The following SMIM36 variants were observed in gnomAD, a reference collection of about 807,000 sequenced individuals.
SMIM36 encodes small integral membrane protein 36.
the SMIM36 span, among the ~76,000 whole-genome samples, chr17:55,526,285 A>G: frequency 6.6e-6 from 1 of 152,064 alleles, no homozygotes; most frequent in Non-Finnish European, 1.5e-5. Flanking sequence ...CTGGGATTAC[A>G]GGTGTGCGCC....
intron 4 of SMIM36, among the ~76,000 whole-genome samples, chr17:55,466,118 A>G (rs1264835007): frequency 2.0e-5 from 3 of 151,810 alleles, no homozygotes; most frequent in Non-Finnish European, 4.4e-5. Flanking sequence ...TCTCTACTAA[A>G]AATGCAAAAT....
intron 1 of SMIM36, among the ~76,000 whole-genome samples, chr17:55,481,622 C>T (rs1258074321): frequency 6.6e-6 from 1 of 152,134 alleles, no homozygotes; most frequent in African/African-American, 2.4e-5. Context: ...AAATTTATAT[C>T]TAAAATGTTT....
exon 1 of SMIM36, chr17:55,511,285 A>G: frequency 5.0e-6 from 2 of 398,726 alleles, no homozygotes; most frequent in Non-Finnish European, 8.8e-6. Context: ...GCTCGCAACT[A>G]GGATGATCAG....
At chr17:55,472,587 T>C (rs1303502575) in intron 3 of SMIM36, among the ~76,000 whole-genome samples, 1 of 152,178 alleles carries the variant, frequency 6.6e-6, no homozygotes, top group Non-Finnish European at 1.5e-5. Context: ...AAAATGCCTA[T>C]GCTGGCCGGG....
intron 1 of SMIM36, among the ~76,000 whole-genome samples, chr17:55,487,386 G>A (rs1019223153): frequency 2.6e-5 from 4 of 152,190 alleles, no homozygotes; most frequent in African/African-American, 7.2e-5. Flanking sequence ...TCCCTGTGGA[G>A]TTTAGGACAG....
intron 1 of SMIM36, among the ~76,000 whole-genome samples, chr17:55,483,496 G>C (rs1023308864): frequency 5.9e-5 from 9 of 152,116 alleles, no homozygotes; most frequent in African/African-American, 1.9e-4. Context: ...CCATCATGTG[G>C]GTGGGCCTCC....
the SMIM36 span, among the ~76,000 whole-genome samples, chr17:55,525,761 G>A: frequency 1.3e-5 from 2 of 152,022 alleles, no homozygotes; most frequent in Non-Finnish European, 2.9e-5. Flanking sequence ...GGGTTCAAGT[G>A]ATTCTCCAGC....
chr17:55,457,054 G>A (rs980038858), intron 4 of SMIM36, among the ~76,000 whole-genome samples: 2 of 152,126 alleles, frequency 1.3e-5, no homozygotes, highest in Non-Finnish European at 2.9e-5. Flanking sequence ...TCAAACATGA[G>A]GACACAGATT....
upstream of SMIM36, among the ~76,000 whole-genome samples, chr17:55,515,943 AT>A (rs905815317): frequency 3.3e-5 from 5 of 152,188 alleles, no homozygotes; most frequent in Non-Finnish European, 7.3e-5. Context: ...ATCCTCTTCT[AT>A]TTTATTTTGG....
the SMIM36 span, among the ~76,000 whole-genome samples, chr17:55,517,636 T>C: frequency 1.3e-5 from 2 of 152,094 alleles, no homozygotes; most frequent in African/African-American, 4.8e-5. Context: ...GGTCACAGAG[T>C]GAACAACTCG....
intron 3 of SMIM36, among the ~76,000 whole-genome samples, chr17:55,471,119 C>G (rs538840749): frequency 6.6e-6 from 1 of 152,230 alleles, no homozygotes. Context: ...CCCCTTGCAT[C>G]TCTCCTCCCA....
At chr17:55,478,773 G>A (rs1165023621) in exon 3 of SMIM36, 1 of 152,114 alleles carries the variant, frequency 6.6e-6, no homozygotes, top group East Asian at 1.9e-4. Context: ...TTGTTTCTTT[G>A]CAGTGTCTCT....
At chr17:55,519,983 G>C in the SMIM36 span, among the ~76,000 whole-genome samples, 1 of 152,198 alleles carries the variant, frequency 6.6e-6, no homozygotes, top group Non-Finnish European at 1.5e-5. Flanking sequence ...TAGAGGCCAG[G>C]AGTCTGAAAT....
chr17:55,507,808 A>C (rs903030246), intron 1 of SMIM36, among the ~76,000 whole-genome samples: 5 of 152,132 alleles, frequency 3.3e-5, no homozygotes, highest in Non-Finnish European at 5.9e-5. Flanking sequence ...TCCGAACTGC[A>C]ATTCTCCCAT....
intron 1 of SMIM36, among the ~76,000 whole-genome samples, chr17:55,509,296 A>T (rs1453592806): frequency 4.6e-5 from 7 of 152,128 alleles, no homozygotes; most frequent in Non-Finnish European, 5.9e-5. Flanking sequence ...AATGGACTCT[A>T]ATTATTTTGC....
At chr17:55,500,853 ATAATATATTATAATATATTATATTT>A in intron 1 of SMIM36, among the ~76,000 whole-genome samples, 1 of 15,686 alleles carries the variant, frequency 6.4e-5, no homozygotes, top group Non-Finnish European at 8.5e-5. Context: ...ATATTATATT[ATAATATATTATAATATATTATATTT>A]TATAATATAT....
At chr17:55,463,854 A>T (rs1909188003) in intron 4 of SMIM36, among the ~76,000 whole-genome samples, 2 of 151,936 alleles carry the variant, frequency 1.3e-5, no homozygotes, top group Non-Finnish European at 2.9e-5. Flanking sequence ...AAGGCCGGGC[A>T]CCTGTAATCT....
intron 3 of SMIM36, among the ~76,000 whole-genome samples, chr17:55,470,266 T>C (rs920972781): frequency 6.6e-6 from 1 of 152,198 alleles, no homozygotes; most frequent in Admixed American, 6.5e-5. Flanking sequence ...CCAAAGGCTC[T>C]CTGATTGACT....
At chr17:55,489,201 A>G (rs1355600642) in intron 1 of SMIM36, among the ~76,000 whole-genome samples, 2 of 152,286 alleles carry the variant, frequency 1.3e-5, no homozygotes, top group African/African-American at 4.8e-5. Flanking sequence ...AATGTAGTGA[A>G]ACCTTGTCTC....
Sources: allele counts gnomAD v4.1 joint callset (sites outside exome capture counted in the v4.1 genomes callset), GRCh38; gene constraint gnomAD v4.1.1; transcripts MANE v1.5; gene names NCBI Gene and HGNC (gene_info 2026-07-23, HGNC 2026-07-21).